MYO7B: variants seen among roughly 807,000 people sequenced by gnomAD.
MYO7B encodes unconventional myosin-VIIb.
Under a neutral mutation model 259.7 loss-of-function variants are expected in MYO7B, and 212 were observed. That is an observed-to-expected ratio of 0.82 (90% CI 0.73 to 0.91). MYO7B has a LOEUF of 0.91. Among genes scored for constraint, MYO7B ranks in the 40% least tolerant of loss-of-function variants. MYO7B has a pLI of 0.00. For synonymous variants in MYO7B, 1,197 were observed against 1,166.4 expected, an observed-to-expected ratio of 1.03 and a Z score of -0.54; for missense variants, 2,732 against 2,813.5, an observed-to-expected ratio of 0.97 and a Z score of 0.66.
In MYO7B at chr2:127,628,337, A is replaced by T; in HGVS notation, c.4461-35A>T. The T allele has an allele frequency of 6.4e-7, 1 of 1,574,442 alleles. No homozygotes were observed. Among genetic ancestry groups the T allele is most frequent in the Non-Finnish European group, 8.6e-7 (1 of 1,163,088 alleles). On this transcript the variant is annotated intron_variant, in intron 33 of 47. Transcript: ENST00000409816. The surrounding 1 kb of genome is among the most constrained non-coding windows in gnomAD (Gnocchi z 4.8). ...TAGGGGCTGGATCAGGGGAAGGTGGAGGGGGCTCCTGGTCACGCTGTCCTT... is the reference window on the plus strand; with the variant it reads ...TAGGGGCTGGATCAGGGGAAGGTGGTGGGGGCTCCTGGTCACGCTGTCCTT...
Position 127,539,578 on chromosome 2 carries a change from T to TAA in MYO7B, c.-24+3748_-24+3749insAA, listed in dbSNP as rs1160217049. ...AGGAAGATTTCTCAGGGACTATCTCTACATGAGGGAGGGCACCTCACGGGC... is the reference window on the plus strand; with the variant it reads ...AGGAAGATTTCTCAGGGACTATCTCTAAACATGAGGGAGGGCACCTCACGGGC... On this transcript the variant is annotated intron_variant, in intron 1 of 47. Transcript: ENST00000409816. The surrounding 1 kb of genome is among the most constrained non-coding windows in gnomAD (Gnocchi z 4.0). Among the ~76,000 whole-genome samples the TAA allele has an allele frequency of 6.6e-6, 1 of 151,346 alleles. No individual in the cohort carries two copies. Among genetic ancestry groups the TAA allele is most frequent in the African/African-American group, 2.4e-5 (1 of 41,420 alleles).
Position 127,584,922 on chromosome 2 carries a change from A to G in MYO7B, c.1690+9A>G, listed in dbSNP as rs371017491. On this transcript the variant is annotated intron_variant, in intron 14 of 47. Transcript: ENST00000409816. This position sits in a 1 kb window ranked among gnomAD's most constrained non-coding sequence, Gnocchi z 5.8. ...GTACTACCAAGCAGAAGGTGGGTGC[A>G]GCTCTCCTCTCATGTCCCTTCCAAA... is the stretch of plus-strand genomic sequence containing the variant. 5 of 1,613,738 alleles carry G rather than the reference A, an allele frequency of 3.1e-6. No homozygotes were observed. Among genetic ancestry groups the G allele is most frequent in the African/African-American group, 1.3e-5 (1 of 74,934 alleles).
Position 127,612,595 on chromosome 2 carries a change from C to T in MYO7B, c.3390C>T (p.Pro1130=), listed in dbSNP as rs768399260. Residue 1130 remains proline, a synonymous_variant, in exon 26 of 48, where the codon CCC becomes CCT. Transcript: ENST00000409816. ...TCGTGGGCTACGCCATCCTGCGGCC[C>T]AGCCTCAGGTCAGTTCCCACTCCCA... The part of the protein sequence containing the change: ...HFIVGYAILR[P]SLRDEIYCQI... 2 of 1,610,286 alleles carry T rather than the reference C, an allele frequency of 1.2e-6. No homozygotes were observed. Among genetic ancestry groups the T allele is most frequent in the Admixed American group, 1.7e-5 (1 of 59,772 alleles).
At position 127,584,299 on chromosome 2, in the gene MYO7B, C is replaced by T. The variant is rs1373987639; in HGVS notation, c.1521C>T (p.Ile507=). ...TGGCCCTCAAGCCCATGAGCATCAT[C>T]TCCCTCCTGGACGAAGAAAGCCGCT... The part of the protein sequence containing the change: ...DLLALKPMSI[I]SLLDEESRFP... Residue 507 remains isoleucine (I), a synonymous_variant, in exon 13 of 48, where the codon ATC becomes ATT. Coordinates refer to ENST00000409816, the MANE Select transcript of MYO7B (RefSeq NM_001393586.1). The surrounding 1 kb of genome is among the most constrained non-coding windows in gnomAD (Gnocchi z 5.8). 5 of 1,614,026 alleles carry T rather than the reference C, an allele frequency of 3.1e-6. No individual in the cohort carries two copies. The highest frequency in any genetic ancestry group is 4.2e-6 in the Non-Finnish European group (5 of 1,179,898).
chr2:127,634,806 G>C, intron 42 of MYO7B, 123 bp downstream of exon 42: 1 of 1,001,184 alleles, frequency 1.0e-6, no homozygotes, highest in Non-Finnish European at 1.5e-6. Flanking sequence ...CCTGGGTTGT[G>C]GGAACAACCA....
intron 18 of MYO7B, among the ~76,000 whole-genome samples, chr2:127,596,258 G>C (rs1004829713): frequency 6.6e-6 from 1 of 152,210 alleles, no homozygotes; most frequent in African/African-American, 2.4e-5. Context: ...AGCTAATGTG[G>C]GAAGTTCTTG....
At chr2:127,634,904 G>T in intron 42 of MYO7B, 1 of 638,432 alleles carries the variant, frequency 1.6e-6, no homozygotes, top group Non-Finnish European at 2.8e-6. Context: ...GGGCTGAGGG[G>T]CATGACCCTC....
chr2:127,556,988 T>C (rs961307103), intron 1 of MYO7B, among the ~76,000 whole-genome samples: 1 of 152,242 alleles, frequency 6.6e-6, no homozygotes, highest in Non-Finnish European at 1.5e-5. Context: ...TTCCAAACTT[T>C]TAGATTTCTC....
Position 127,571,442 on chromosome 2 carries a change from G to GTTTTTTTTTTGT in MYO7B, c.592+1542_592+1543insGTTTTTTTTTTT, listed in dbSNP as rs1553448471. Among the ~76,000 whole-genome samples the GTTTTTTTTTTGT allele has an allele frequency of 2.0e-3, 85 of 41,942 alleles. 2 individuals are homozygous for GTTTTTTTTTTGT. Among genetic ancestry groups the GTTTTTTTTTTGT allele is most frequent in the Non-Finnish European group, 3.0e-3 (65 of 21,880 alleles). The allele number at this position is 41,942 out of a possible 152,430, so 27.5% of individuals were successfully genotyped here. On this transcript the variant is annotated intron_variant, in intron 6 of 47. Coordinates refer to ENST00000409816, the MANE Select transcript of MYO7B (RefSeq NM_001393586.1). ...AATTGGTCTATTTCCTTACCAGTGA[G>GTTTTTTTTTTGT]TTTTTTTTTTTTTTTTTGCTTGTTT...
At chr2:127,574,475 G>A (rs1391008879) in intron 7 of MYO7B, among the ~76,000 whole-genome samples, 1 of 152,250 alleles carries the variant, frequency 6.6e-6, no homozygotes, top group East Asian at 1.9e-4. Flanking sequence ...AGGAGGCAGA[G>A]GTTGCAGTGA....
intron 4 of MYO7B, 122 bp downstream of exon 4, chr2:127,565,507 C>A (rs893671966): frequency 2.0e-5 from 27 of 1,323,438 alleles, no homozygotes; most frequent in Admixed American, 4.7e-5. Context: ...GGGAGGTGGG[C>A]GAGGTGCCTA....
Position 127,617,487 on chromosome 2 carries a change from G to GTTTTTTTTT in MYO7B, c.3399-2835_3399-2827dup, listed in dbSNP as rs35542480. ...ATGCTGCCAGCAGACTTGTAACGGG[G>GTTTTTTTTT]TTTTTTTTTTTTTTTTTTTTTTTTT... On this transcript the variant is annotated intron_variant, in intron 26 of 47. Transcript: ENST00000409816. Among the ~76,000 whole-genome samples the GTTTTTTTTT allele has an allele frequency of 1.5e-3, 128 of 84,822 alleles. 5 individuals carry two copies. Among genetic ancestry groups the GTTTTTTTTT allele is most frequent in the African/African-American group, 3.5e-3 (67 of 19,202 alleles). 55.6% of individuals were successfully genotyped at this position (84,822 alleles called of 152,430 possible).
chr2:127,630,860 C>T lies in MYO7B; in HGVS notation c.4889C>T (p.Pro1630Leu), dbSNP rs780935659. The T allele has an allele frequency of 9.9e-6, 16 of 1,610,892 alleles. No individual in the cohort carries two copies. Among genetic ancestry groups the T allele is most frequent in the Non-Finnish European group, 1.4e-5 (16 of 1,178,792 alleles). ...QFTEPRPEEPPKEKLHTLEEF... is the reference protein window; with the variant it reads ...QFTEPRPEEPLKEKLHTLEEF... ...ACAGAGCCACGTCCTGAGGAGCCAC[C>T]CAAGGAAAAGCTGCACACCCTGGAG... The change falls in exon 36 of 48, where the codon CCC becomes CTC. Residue 1630 changes from proline to leucine, a missense_variant. Physicochemically the swap from Pro to Leu is moderately conservative, Grantham distance 98. Coordinates refer to ENST00000409816, the MANE Select transcript of MYO7B (RefSeq NM_001393586.1).
rs760440044 is a variant in MYO7B, at chr2:127,631,326, C to G, written c.5058C>G (p.Asn1686Lys). ...CGCTGCTCAAGCGAGTCCACGCCAACGTCGACCTCTGGGACATCGCCTGCC... is the reference window on the plus strand; with the variant it reads ...CGCTGCTCAAGCGAGTCCACGCCAAGGTCGACCTCTGGGACATCGCCTGCC... ...RQPLLKRVHANVDLWDIACQI... is the reference protein window; with the variant it reads ...RQPLLKRVHAKVDLWDIACQI... Residue 1686 changes from asparagine (N) to lysine (K), a missense_variant, in exon 37 of 48, where the codon AAC becomes AAG. Coordinates refer to ENST00000409816, the MANE Select transcript of MYO7B (RefSeq NM_001393586.1). 1 of 1,611,760 alleles carries G rather than the reference C, an allele frequency of 6.2e-7. No individual in the cohort carries two copies. Among genetic ancestry groups the G allele is most frequent in the Non-Finnish European group, 8.5e-7 (1 of 1,178,866 alleles).
chr2:127,563,486 C>A (rs1335237803), intron 2 of MYO7B, among the ~76,000 whole-genome samples: 1 of 152,168 alleles, frequency 6.6e-6, no homozygotes, highest in Non-Finnish European at 1.5e-5. Context: ...CTTTTCCCAC[C>A]CCACAGAGAG....
At chr2:127,544,155 C>T (rs1348420318) in intron 1 of MYO7B, among the ~76,000 whole-genome samples, 2 of 152,096 alleles carry the variant, frequency 1.3e-5, no homozygotes, top group African/African-American at 2.4e-5. Context: ...TAGCTCACTA[C>T]AGCCTCGAAC....
intron 12 of MYO7B, among the ~76,000 whole-genome samples, chr2:127,583,364 C>T (rs750007243): frequency 5.9e-5 from 9 of 152,232 alleles, no homozygotes; most frequent in South Asian, 4.1e-4. Flanking sequence ...CAGGGCCAGC[C>T]GGGGGTGCAG....
intron 1 of MYO7B, among the ~76,000 whole-genome samples, chr2:127,554,792 C>A (rs924564796): frequency 6.6e-6 from 1 of 152,064 alleles, no homozygotes; most frequent in African/African-American, 2.4e-5. Flanking sequence ...GTATCTAATT[C>A]TTCCTGATTT....
chr2:127,582,885 G>C (rs1679160084), intron 12 of MYO7B, among the ~76,000 whole-genome samples: 1 of 152,236 alleles, frequency 6.6e-6, no homozygotes, highest in South Asian at 2.1e-4. Flanking sequence ...GGGCATCCCA[G>C]TGTTCTGGCA....
Sources: gnomAD v4.1 joint callset for allele counts (sites outside exome capture counted in the v4.1 genomes callset) on GRCh38, gnomAD v4.1.1 for gene constraint, Gnocchi (gnomAD v3.1) non-coding constraint, MANE v1.5 for transcripts, NCBI Gene and HGNC (gene_info 2026-07-23, HGNC 2026-07-21) for gene names.